C8orf74: variants seen among roughly 807,000 people sequenced by gnomAD.
C8orf74 encodes the protein chromosome 8 open reading frame 74.
Under a neutral mutation model 22.2 loss-of-function variants are expected in C8orf74, and 29 were observed. The ratio of observed to expected loss-of-function variants is 1.31; its 90% CI spans 0.97 to 1.78. C8orf74 has a LOEUF of 1.78. C8orf74 is among the 40% of genes most tolerant of loss of function. C8orf74 has a pLI of 0.00. For missense variants in C8orf74, 515 were observed against 369.9 expected (o/e 1.39, Z -3.22); for synonymous variants, 255 against 163.1 (o/e 1.56, Z -4.30).
intron 2 of C8orf74, chr8:10,691,840 T>A (rs1249363941): frequency 6.6e-6 from 1 of 152,378 alleles, no homozygotes; most frequent in African/African-American, 2.4e-5. Flanking sequence ...AGGGCTGTCA[T>A]GAACCACCCT....
intron 2 of C8orf74, chr8:10,691,222 A>G (rs929022448): frequency 4.4e-5 from 14 of 318,922 alleles, no homozygotes; most frequent in Non-Finnish European, 7.5e-5. Flanking sequence ...CTTGGTTTGT[A>G]TGACCTCTTA....
At chr8:10,684,355 TG>T (rs1799217291) in intron 2 of C8orf74, among the ~76,000 whole-genome samples, 1 of 152,156 alleles carries the variant, frequency 6.6e-6, no homozygotes, top group South Asian at 2.1e-4. Flanking sequence ...CAAGGATCAG[TG>T]AGGGGCCAAG....
chr8:10,680,980 G>A (rs908209580), intron 2 of C8orf74, among the ~76,000 whole-genome samples: 4 of 151,920 alleles, frequency 2.6e-5, no homozygotes, highest in African/African-American at 9.7e-5. Context: ...CTTGGAAAGC[G>A]GCTTCTCCAG....
intron 1 of C8orf74, among the ~76,000 whole-genome samples, chr8:10,673,368 T>C (rs1283011335): frequency 6.6e-6 from 1 of 152,156 alleles, no homozygotes. Context: ...AATGGGTTTT[T>C]ACTTCTAGGC....
At chr8:10,683,202 G>T (rs1799189026) in intron 2 of C8orf74, among the ~76,000 whole-genome samples, 1 of 152,250 alleles carries the variant, frequency 6.6e-6, no homozygotes, top group Admixed American at 6.5e-5. Flanking sequence ...TCCTAACTGG[G>T]TCACCCAGAG....
At chr8:10,689,213 GCTGAAGCTCAGGTC>G (rs995727355) in intron 2 of C8orf74, 1 of 152,240 alleles carries the variant, frequency 6.6e-6, no homozygotes, top group African/African-American at 2.4e-5. Context: ...TCACACCTGG[GCTGAAGCTCAGGTC>G]CTGACTTTGC....
At chr8:10,681,214 C>T (rs1251376341) in intron 2 of C8orf74, among the ~76,000 whole-genome samples, 1 of 152,072 alleles carries the variant, frequency 6.6e-6, no homozygotes, top group Non-Finnish European at 1.5e-5. Context: ...TGGCTCTGGC[C>T]TGGCAAACGC....
At chr8:10,676,521 G>A (rs1799035847) in intron 2 of C8orf74, among the ~76,000 whole-genome samples, 2 of 152,190 alleles carry the variant, frequency 1.3e-5, no homozygotes, top group Non-Finnish European at 2.9e-5. Context: ...TCTGTTTGAA[G>A]GCATCCAGTG....
chr8:10,690,661 A>G (rs189845004), intron 2 of C8orf74, among the ~76,000 whole-genome samples: 30 of 152,194 alleles, frequency 2.0e-4, no homozygotes, highest in Admixed American at 2.0e-3. Context: ...CCCCGTTTCC[A>G]GCCCCGCAGG....
chr8:10,673,896 C>T (rs959747334), intron 1 of C8orf74: 1 of 152,074 alleles, frequency 6.6e-6, no homozygotes, highest in South Asian at 2.1e-4. Flanking sequence ...CTCCAGCCTC[C>T]ATATCATACC....
At chr8:10,696,126 A>T (rs1799491969) in intron 2 of C8orf74, among the ~76,000 whole-genome samples, 1 of 151,930 alleles carries the variant, frequency 6.6e-6, no homozygotes. Flanking sequence ...TAATTCAGTC[A>T]CGACCCTTCA....
At chr8:10,683,351 G>T (rs1799192393) in intron 2 of C8orf74, among the ~76,000 whole-genome samples, 1 of 152,240 alleles carries the variant, frequency 6.6e-6, no homozygotes, top group Non-Finnish European at 1.5e-5. Flanking sequence ...TGTGTGGGCA[G>T]ATGGTACACG....
chr8:10,683,304 C>T (rs896238936), intron 2 of C8orf74, among the ~76,000 whole-genome samples: 2 of 152,216 alleles, frequency 1.3e-5, no homozygotes, highest in African/African-American at 4.8e-5. Flanking sequence ...GAGTTGTGCC[C>T]TTTGGCTAAG....
intron 2 of C8orf74, chr8:10,687,069 T>C (rs1484306855): frequency 4.4e-6 from 2 of 456,170 alleles, no homozygotes; most frequent in South Asian, 1.5e-5. Flanking sequence ...CTTCATTCTC[T>C]GCCAAACCAG....
intron 2 of C8orf74, among the ~76,000 whole-genome samples, chr8:10,690,387 C>G (rs1414816931): frequency 6.6e-6 from 1 of 152,110 alleles, no homozygotes; most frequent in Non-Finnish European, 1.5e-5. Context: ...AGTAGTCTCC[C>G]CAGGAGCACA....
At chr8:10,694,189 C>T (rs1193557544) in intron 2 of C8orf74, among the ~76,000 whole-genome samples, 1 of 152,110 alleles carries the variant, frequency 6.6e-6, no homozygotes, top group Non-Finnish European at 1.5e-5. Flanking sequence ...CTCCTGCAAG[C>T]AACTGAGAGC....
chr8:10,698,092 T>C, intron 3 of C8orf74, 87 bp downstream of exon 3: 1 of 1,296,594 alleles, frequency 7.7e-7, no homozygotes, highest in Non-Finnish European at 1.0e-6. Flanking sequence ...TGGGAGCTCC[T>C]CAGTGGCACA....
chr8:10,699,654 C>T (rs1586057276), intron 3 of C8orf74, among the ~76,000 whole-genome samples: 1 of 152,198 alleles, frequency 6.6e-6, no homozygotes, highest in East Asian at 1.9e-4. Flanking sequence ...ACAGTGGCTG[C>T]ATTTCCATTC....
At chr8:10,692,841 G>A (rs998601365) in intron 2 of C8orf74, 3 of 152,230 alleles carry the variant, frequency 2.0e-5, no homozygotes, top group African/African-American at 4.8e-5. Flanking sequence ...CTGGGAGCTG[G>A]GCACTGCTCT....
Sources: allele counts gnomAD v4.1 joint callset (sites outside exome capture counted in the v4.1 genomes callset), GRCh38; gene constraint gnomAD v4.1.1; transcripts MANE v1.5; gene names NCBI Gene and HGNC (gene_info 2026-07-23, HGNC 2026-07-21).